Variants in ANKS1B observed in about 807,000 individuals in gnomAD.
ANKS1B encodes the protein ankyrin repeat and sterile alpha motif domain containing 1B.
A neutral mutation model predicts 148.3 loss-of-function variants in ANKS1B; 36 were observed. That is an observed-to-expected ratio of 0.24 (90% confidence interval 0.19 to 0.32). The LOEUF is 0.32. Among genes scored for constraint, ANKS1B ranks in the 10% least tolerant of loss-of-function variants. The pLI, the probability that ANKS1B is intolerant of heterozygous loss-of-function variation, is 1.00. For missense variants in ANKS1B, 1,157 were observed against 1,542.6 expected (o/e 0.75, Z 4.19); for synonymous variants, 542 against 560.8 (o/e 0.97, Z 0.47).
chr12:99,287,985 G>A (rs2079368168), intron 12 of ANKS1B, among the ~76,000 whole-genome samples: 1 of 152,102 alleles, frequency 6.6e-6, no homozygotes, highest in African/African-American at 2.4e-5. Flanking sequence ...AGAGATCAGG[G>A]TTGAAAGTTT....
At chr12:99,902,917 A>ATTGTTG (rs3054225) in intron 1 of ANKS1B, among the ~76,000 whole-genome samples, 28 of 150,094 alleles carry the variant, frequency 1.9e-4, no homozygotes, top group African/African-American at 1.7e-4. Flanking sequence ...CGCCCGGCTA[A>ATTGTTG]TTGTTGTTGT....
chr12:99,125,953 A>C (rs1007666952), intron 15 of ANKS1B, among the ~76,000 whole-genome samples: 9 of 152,184 alleles, frequency 5.9e-5, no homozygotes, highest in African/African-American at 2.2e-4. Flanking sequence ...AAAAAATAAA[A>C]GATAGGAAAG....
intron 12 of ANKS1B, among the ~76,000 whole-genome samples, chr12:99,286,768 C>T (rs1437310359): frequency 2.0e-5 from 3 of 152,152 alleles, no homozygotes; most frequent in Non-Finnish European, 4.4e-5. Context: ...AGTAACCAGG[C>T]AATCCTCACT....
Position 99,777,388 on chromosome 12 carries a change from TA to T in ANKS1B, c.848-1728del. Among the ~76,000 whole-genome samples, 3 of 152,292 alleles carry T rather than the reference TA, an allele frequency of 2.0e-5. No homozygotes were observed. The South Asian group carries it at 6.2e-4, about 32-fold the overall frequency. On this transcript the variant is annotated intron_variant, in intron 6 of 26. Transcript: ENST00000683438. ...CCTACCACAAATTAACATACCTAAT[TA>T]ATCTTGACCATTTAGGAGAGCAAAG... is the stretch of plus-strand genomic sequence containing the variant.
chr12:99,959,348 ATTACAG>A (rs1363879943), intron 1 of ANKS1B, among the ~76,000 whole-genome samples: 1 of 148,760 alleles, frequency 6.7e-6, no homozygotes, highest in Admixed American at 6.9e-5. Context: ...AAGTGATGGG[ATTACAG>A]GCGTGAGCCA....
At chr12:99,113,452 A>G (rs1355645657) in intron 15 of ANKS1B, among the ~76,000 whole-genome samples, 1 of 152,202 alleles carries the variant, frequency 6.6e-6, no homozygotes, top group African/African-American at 2.4e-5. Flanking sequence ...AGAGGATGAA[A>G]AATGATGACA....
chr12:99,948,775 C>T (rs1007717922), intron 1 of ANKS1B, among the ~76,000 whole-genome samples: 2 of 152,274 alleles, frequency 1.3e-5, no homozygotes, highest in Admixed American at 1.3e-4. Context: ...AACAGGCAAA[C>T]TGGAGAATAC....
chr12:99,613,630 C>A (rs2097920508), intron 9 of ANKS1B, among the ~76,000 whole-genome samples: 1 of 151,978 alleles, frequency 6.6e-6, no homozygotes. Flanking sequence ...TCTGTTCTCA[C>A]TTATAAGTGG....
chr12:99,820,290 C>A (rs2082350733), intron 2 of ANKS1B, among the ~76,000 whole-genome samples: 1 of 151,892 alleles, frequency 6.6e-6, no homozygotes, highest in African/African-American at 2.4e-5. Flanking sequence ...TGTGGATTAA[C>A]TAGCATTGAT....
chr12:99,402,588 G>A (rs956141236), intron 11 of ANKS1B, among the ~76,000 whole-genome samples: 1 of 145,642 alleles, frequency 6.9e-6, no homozygotes, highest in Non-Finnish European at 1.5e-5. Context: ...TTCTGCTCCT[G>A]CATTAGTTCA....
At chr12:99,144,641 C>G (rs1314836134) in intron 15 of ANKS1B, among the ~76,000 whole-genome samples, 1 of 151,840 alleles carries the variant, frequency 6.6e-6, no homozygotes, top group African/African-American at 2.4e-5. Context: ...GTTCTAACCC[C>G]TAGTAGATAT....
At chr12:98,743,314 ACTAG>A (rs1024183268), downstream of ANKS1B, among the ~76,000 whole-genome samples, 7 of 152,186 alleles carry the variant, frequency 4.6e-5, no homozygotes, top group African/African-American at 1.7e-4. Flanking sequence ...TAATGAACTA[ACTAG>A]GGATAATTTT....
intron 11 of ANKS1B, among the ~76,000 whole-genome samples, chr12:99,437,811 C>T (rs767138555): frequency 1.5e-4 from 23 of 151,968 alleles, no homozygotes; most frequent in Non-Finnish European, 2.9e-4. Context: ...CCCACCTCTG[C>T]TCATCCTTTA....
chr12:99,001,131 G>GT (rs927060948), intron 17 of ANKS1B, among the ~76,000 whole-genome samples: 120 of 152,012 alleles, frequency 7.9e-4, no homozygotes, highest in African/African-American at 2.7e-3. Flanking sequence ...CCTGATTTTA[G>GT]TTTTTTGTGT....
chr12:99,637,002 T>G (rs1340975529), intron 9 of ANKS1B, among the ~76,000 whole-genome samples: 2 of 152,156 alleles, frequency 1.3e-5, no homozygotes, highest in East Asian at 1.9e-4. Flanking sequence ...AAAATGTGAC[T>G]TCAGTCAACA....
intron 9 of ANKS1B, among the ~76,000 whole-genome samples, chr12:99,618,523 G>A (rs1031980551): frequency 6.6e-6 from 1 of 152,108 alleles, no homozygotes; most frequent in Non-Finnish European, 1.5e-5. Context: ...TCCCTGGGAG[G>A]AGAATGCTGG....
intron 4 of ANKS1B, among the ~76,000 whole-genome samples, chr12:99,784,782 G>A (rs940597262): frequency 2.6e-5 from 4 of 152,116 alleles, no homozygotes; most frequent in Non-Finnish European, 5.9e-5. Flanking sequence ...AAACATGTAC[G>A]ATATCTCGAA....
intron 14 of ANKS1B, among the ~76,000 whole-genome samples, chr12:99,203,524 C>G (rs1036144308): frequency 6.6e-6 from 1 of 150,936 alleles, no homozygotes; most frequent in Non-Finnish European, 1.5e-5. Context: ...GATCTTGGCT[C>G]ACTGCAAGCT....
intron 12 of ANKS1B, 93 bp downstream of exon 12, chr12:99,399,538 G>A (rs2094346851): frequency 7.4e-7 from 1 of 1,343,262 alleles, no homozygotes. Context: ...AAAACACAAT[G>A]CAATTTGTAC....
Sources: allele counts gnomAD v4.1 joint callset (sites outside exome capture counted in the v4.1 genomes callset), GRCh38; gene constraint gnomAD v4.1.1; transcripts MANE v1.5; gene names NCBI Gene and HGNC (gene_info 2026-07-23, HGNC 2026-07-21).